The following UBE2O variants were observed in gnomAD, a reference collection of about 807,000 sequenced individuals.
UBE2O encodes the protein ubiquitin conjugating enzyme E2 O.
In UBE2O, 15 loss-of-function variants were observed where a neutral mutation model predicts 125.8. The ratio of observed to expected loss-of-function variants is 0.12; its 90% CI spans 0.08 to 0.18. The LOEUF is 0.18. UBE2O is among the 10% of genes least tolerant of loss of function. The pLI, the probability that UBE2O is intolerant of heterozygous loss-of-function variation, is 1.00. For missense variants in UBE2O, 1,280 were observed against 1,723.6 expected, an observed-to-expected ratio of 0.74 and a Z score of 4.56; for synonymous variants, 708 against 703.2, an observed-to-expected ratio of 1.01 and a Z score of -0.11.
At chr17:76,449,658 C>A (rs1598628220) in intron 1 of UBE2O, among the ~76,000 whole-genome samples, 1 of 152,186 alleles carries the variant, frequency 6.6e-6, no homozygotes, top group South Asian at 2.1e-4. Context: ...GTGGCTCCTG[C>A]CTGTAATCCC....
At chr17:76,434,764 T>C (rs1350413682) in intron 1 of UBE2O, among the ~76,000 whole-genome samples, 2 of 151,582 alleles carry the variant, frequency 1.3e-5, no homozygotes, top group Non-Finnish European at 2.9e-5. Flanking sequence ...GAAATGCTTT[T>C]TCACTTAAGC....
chr17:76,407,142 C>T (rs2072437458), intron 1 of UBE2O, among the ~76,000 whole-genome samples: 1 of 152,176 alleles, frequency 6.6e-6, no homozygotes, highest in Non-Finnish European at 1.5e-5. Flanking sequence ...GGTGGAGTCA[C>T]CAAGGCAGCG....
chr17:76,401,036 C>A lies in UBE2O; in HGVS notation c.869G>T (p.Ser290Ile), dbSNP rs1229471030. Residue 290 changes from serine to isoleucine, a missense_variant, in exon 6 of 18, where the codon AGC becomes ATC. Ser to Ile is a moderately radical substitution (Grantham distance 142). This residue lies in a region of UBE2O where 206 missense variants were observed against 315.7 expected (regional missense o/e 0.65). Coordinates refer to ENST00000319380, the MANE Select transcript of UBE2O (RefSeq NM_022066.4). ...CTCTTCCACCACCACTCGGAACTTG[C>A]TCTTGGTGCTGAGCACGGGCTTGAC... ...SGVKPVLSTK[S>I]KFRVVVEEVQ... is the part of the protein sequence containing the mutation. The A allele has an allele frequency of 6.2e-7, 1 of 1,613,894 alleles. No homozygotes were observed.
At chr17:76,419,669 G>A (rs1055319205) in intron 1 of UBE2O, among the ~76,000 whole-genome samples, 3 of 152,136 alleles carry the variant, frequency 2.0e-5, no homozygotes, top group Non-Finnish European at 4.4e-5. Flanking sequence ...CAAGAACAAG[G>A]CCCCGGGCCA....
intron 1 of UBE2O, among the ~76,000 whole-genome samples, chr17:76,426,499 GCTCT>G (rs1163435561): frequency 1.3e-5 from 2 of 151,860 alleles, no homozygotes; most frequent in African/African-American, 4.8e-5. Context: ...TTTTTTCTTT[GCTCT>G]CTTTCTTTTA....
rs1400283374 is a variant in UBE2O, at chr17:76,410,617, G to A, written c.418-5045C>T. ...ATCAAATGGTAAGTGAGGGGTCAGG[G>A]ACAATGCCAGGGCAGAGGGCAACGT... is the stretch of plus-strand genomic sequence containing the variant. On this transcript the variant is annotated intron_variant, in intron 1 of 17. Coordinates refer to ENST00000319380, the MANE Select transcript of UBE2O (RefSeq NM_022066.4). The surrounding 1 kb of genome is among the most constrained non-coding windows in gnomAD (Gnocchi z 4.0). Among the ~76,000 whole-genome samples, 1 of 152,178 alleles carries A rather than the reference G, an allele frequency of 6.6e-6. No individual in the cohort carries two copies. The highest frequency in any genetic ancestry group is 1.5e-5 in the Non-Finnish European group (1 of 68,036).
chr17:76,450,254 T>C (rs1448684332), intron 1 of UBE2O, among the ~76,000 whole-genome samples: 2 of 152,082 alleles, frequency 1.3e-5, no homozygotes, highest in African/African-American at 2.4e-5. Flanking sequence ...TAAGCCACAG[T>C]TCTGCAAGGT....
intron 5 of UBE2O, chr17:76,401,732 C>T (rs538538632): frequency 2.1e-4 from 41 of 194,532 alleles, no homozygotes; most frequent in Admixed American, 1.2e-3. Context: ...AAAAATTAGA[C>T]GGGTGTGGTG....
intron 1 of UBE2O, chr17:76,430,860 C>A: frequency 5.1e-6 from 2 of 391,798 alleles, no homozygotes; most frequent in South Asian, 2.2e-5. Context: ...ATGACAAATG[C>A]CAATTCGGGT....
chr17:76,390,797 C>T lies in UBE2O; in HGVS notation c.*146G>A. 2 of 765,118 alleles carry T rather than the reference C, an allele frequency of 2.6e-6. No homozygotes were observed. Among genetic ancestry groups the T allele is most frequent in the Non-Finnish European group, 2.0e-6 (1 of 491,076 alleles). 47.4% of individuals were successfully genotyped at this position (765,118 alleles called of 1,614,324 possible). On this transcript the variant is annotated 3_prime_UTR_variant, in exon 18 of 18. Coordinates refer to ENST00000319380, the MANE Select transcript of UBE2O (RefSeq NM_022066.4). ...GCATCTCAACACACTTCTTGCACTTCAGCATCAAACTCACCTTGGGGAGAA... is the reference window on the plus strand; with the variant it reads ...GCATCTCAACACACTTCTTGCACTTTAGCATCAAACTCACCTTGGGGAGAA...
chr17:76,440,273 A>C (rs2073057909), intron 1 of UBE2O, among the ~76,000 whole-genome samples: 1 of 152,232 alleles, frequency 6.6e-6, no homozygotes, highest in Non-Finnish European at 1.5e-5. Flanking sequence ...TGTTGATATA[A>C]TATTTTGAAT....
At chr17:76,397,773 G>GC (rs2143691869) in intron 13 of UBE2O, 26 bp downstream of exon 13, 5 of 1,609,980 alleles carry the variant, frequency 3.1e-6, no homozygotes, top group Non-Finnish European at 3.4e-6. Context: ...CACAAGCTCA[G>GC]CAGGGGGGTC....
chr17:76,424,207 C>CTTT (rs569775028), intron 1 of UBE2O, among the ~76,000 whole-genome samples: 1,111 of 105,264 alleles, frequency 0.011, 30 homozygotes, highest in African/African-American at 0.027. Flanking sequence ...CGCGCCCGGC[C>CTTT]TTTTTTTTTT....
At chr17:76,392,245 G>T (rs2072125754) in intron 15 of UBE2O, 132 bp from the exon 16 acceptor site, 6 of 547,410 alleles carry the variant, frequency 1.1e-5, no homozygotes, top group Admixed American at 3.8e-5. Context: ...CAGCACCTGG[G>T]ACTCCAGATG....
chr17:76,452,627 C>T lies in UBE2O; in HGVS notation c.417+98G>A, dbSNP rs2073272127. On this transcript the variant is annotated intron_variant, in intron 1 of 17. Transcript: ENST00000319380. This position sits in a 1 kb window ranked among gnomAD's most constrained non-coding sequence, Gnocchi z 4.4. The stretch of plus-strand genomic sequence containing the variant: ...CCTCCCGCGTCGGCCACTGCAGTGG[C>T]ACCGCTCCGGGCAGGGCCCTGCACG... The T allele has an allele frequency of 1.7e-6, 2 of 1,181,822 alleles. No homozygotes were observed. The highest frequency in any genetic ancestry group is 2.2e-6 in the Non-Finnish European group (2 of 924,978). 73.2% of individuals were successfully genotyped at this position (1,181,822 alleles called of 1,614,324 possible). A position where few individuals can be genotyped will look rare whatever the true frequency, so the allele number is the denominator to read the frequency against.
chr17:76,395,395 T>C lies in UBE2O; in HGVS notation c.2946+330A>G, dbSNP rs1323674685. The C allele has an allele frequency of 1.1e-5, 2 of 180,430 alleles. No individual in the cohort carries two copies. The highest frequency in any genetic ancestry group is 2.4e-5 in the African/African-American group (1 of 41,980). 11.2% of individuals were successfully genotyped at this position (180,430 alleles called of 1,614,324 possible). A position where few individuals can be genotyped will look rare whatever the true frequency, so the allele number is the denominator to read the frequency against. On this transcript the variant is annotated intron_variant, in intron 15 of 17. Transcript: ENST00000319380. This position sits in a 1 kb window ranked among gnomAD's most constrained non-coding sequence, Gnocchi z 5.0. The stretch of plus-strand genomic sequence containing the variant: ...TTTTAGTGGAGACGGGGTTTCACTG[T>C]GTTAGCCAGGATGGTCTCGATCTCC...
chr17:76,430,484 A>C (rs559710201), intron 1 of UBE2O: 2 of 261,884 alleles, frequency 7.6e-6, no homozygotes, highest in Admixed American at 4.8e-5. Context: ...ATTTTCTACA[A>C]AATGGGTGGT....
intron 1 of UBE2O, among the ~76,000 whole-genome samples, chr17:76,416,081 A>G (rs1008203321): frequency 6.6e-6 from 1 of 151,810 alleles, no homozygotes; most frequent in African/African-American, 2.4e-5. Context: ...ATGTGTATAC[A>G]TATGTACATA....
intron 3 of UBE2O, among the ~76,000 whole-genome samples, chr17:76,403,901 C>T (rs1428345877): frequency 2.0e-5 from 3 of 152,134 alleles, no homozygotes; most frequent in Non-Finnish European, 4.4e-5. Flanking sequence ...TGAAGGGGTT[C>T]CCACTGGCTA....
Sources: gnomAD v4.1 joint callset for allele counts (sites outside exome capture counted in the v4.1 genomes callset) on GRCh38, gnomAD v4.1.1 for gene constraint, gnomAD v4.1.1 regional missense constraint, Gnocchi (gnomAD v3.1) non-coding constraint, MANE v1.5 for transcripts, NCBI Gene and HGNC (gene_info 2026-07-23, HGNC 2026-07-21) for gene names.